CPS1: variants seen among roughly 807,000 people sequenced by gnomAD.
The protein encoded by CPS1 is carbamoyl-phosphate synthase 1.
Under a neutral mutation model 174.6 loss-of-function variants are expected in CPS1, and 109 were observed. That is an observed-to-expected ratio of 0.62 (90% CI 0.53 to 0.73). CPS1 has a LOEUF of 0.73. CPS1 is among the 30% of genes least tolerant of loss of function. CPS1 has a pLI of 0.00. For missense variants in CPS1, 1,689 were observed against 1,821.9 expected (o/e 0.93, Z 1.33); for synonymous variants, 637 against 632.0 (o/e 1.01, Z -0.12).
intron 6 of CPS1, 95 bp downstream of exon 6, chr2:210,582,804 C>A: frequency 1.0e-6 from 1 of 952,782 alleles, no homozygotes; most frequent in Non-Finnish European, 1.7e-6. Flanking sequence ...GTTTATCTTC[C>A]AGAAGCACCA....
intron 1 of CPS1, among the ~76,000 whole-genome samples, chr2:210,507,235 A>G (rs960766484): frequency 6.6e-6 from 1 of 152,250 alleles, no homozygotes; most frequent in South Asian, 2.1e-4. Context: ...ACATTCTTAA[A>G]GAAAAGAATT....
At chr2:210,518,325 C>T (rs886374981) in intron 1 of CPS1, among the ~76,000 whole-genome samples, 1 of 151,988 alleles carries the variant, frequency 6.6e-6, no homozygotes, top group Non-Finnish European at 1.5e-5. Context: ...TGCTCAATAT[C>T]TGTTCTCTTC....
intron 1 of CPS1, among the ~76,000 whole-genome samples, chr2:210,546,145 T>C (rs1308504210): frequency 6.6e-6 from 1 of 152,042 alleles, no homozygotes; most frequent in African/African-American, 2.4e-5. Context: ...AAGTCTGTGT[T>C]CCAGACTTAT....
Position 210,577,479 on chromosome 2 carries a change from A to C in CPS1, c.440A>C (p.Lys147Thr). The change falls in exon 4 of 38, where the codon AAG becomes ACG. Residue 147 changes from lysine to threonine, a missense_variant. Transcript: ENST00000233072. ...SKDYNHWLAT[K>T]SLGQWLQEEK... ...GACTACAACCACTGGCTGGCTACCA[A>C]GAGTTTAGGGCAATGGCTACAGGAA... is the stretch of plus-strand genomic sequence containing the variant. 1 of 1,613,854 alleles carries C rather than the reference A, an allele frequency of 6.2e-7. No individual in the cohort carries two copies. The highest frequency in any genetic ancestry group is 8.5e-7 in the Non-Finnish European group (1 of 1,179,864).
At chr2:210,660,215 G>C (rs1700871412) in intron 31 of CPS1, among the ~76,000 whole-genome samples, 1 of 152,116 alleles carries the variant, frequency 6.6e-6, no homozygotes, top group Non-Finnish European at 1.5e-5. Context: ...GGAGGGGTAT[G>C]GCATTATTTG....
chr2:210,577,692 G>A (rs1429316341), intron 4 of CPS1, among the ~76,000 whole-genome samples, 182 bp downstream of exon 4: 5 of 152,248 alleles, frequency 3.3e-5, no homozygotes, highest in Middle Eastern at 3.4e-3. Context: ...AAATGCTGAT[G>A]AGCACATATT....
At chr2:210,610,492 G>A (rs1439514375) in intron 19 of CPS1, among the ~76,000 whole-genome samples, 1 of 151,896 alleles carries the variant, frequency 6.6e-6, no homozygotes, top group South Asian at 2.1e-4. Flanking sequence ...GACCCGAATA[G>A]ACAATGAATT....
intron 6 of CPS1, among the ~76,000 whole-genome samples, chr2:210,583,253 A>G (rs1307251919): frequency 6.6e-6 from 1 of 152,190 alleles, no homozygotes; most frequent in Non-Finnish European, 1.5e-5. Flanking sequence ...ATTTATAAAA[A>G]GGTAAAGAAT....
intron 1 of CPS1, among the ~76,000 whole-genome samples, chr2:210,499,449 C>G (rs982659555): frequency 6.6e-5 from 10 of 152,148 alleles, no homozygotes; most frequent in African/African-American, 2.4e-4. Flanking sequence ...ACTGATGAGG[C>G]ACTTTCTGTA....
At position 210,503,523 on chromosome 2, in the gene CPS1, C is replaced by T. The variant is rs184845176; in HGVS notation, c.3+25757C>T. On this transcript the variant is annotated intron_variant, in intron 1 of 38. Coordinates refer to the CPS1 transcript ENST00000430249. ...CTCTCTCTTACTCTTTGTTGGTGGCCTCTTTTTACCTTTATCTTTTCCCTT... is the reference window on the plus strand; with the variant it reads ...CTCTCTCTTACTCTTTGTTGGTGGCTTCTTTTTACCTTTATCTTTTCCCTT... Among the ~76,000 whole-genome samples, 19 of 152,178 alleles carry T rather than the reference C, an allele frequency of 1.2e-4. No individual in the cohort carries two copies. In the East Asian group the frequency reaches 3.5e-3, roughly 28 times the overall value.
At chr2:210,585,548 G>T (rs1279978642) in intron 6 of CPS1, among the ~76,000 whole-genome samples, 1 of 151,828 alleles carries the variant, frequency 6.6e-6, no homozygotes, top group Non-Finnish European at 1.5e-5. Context: ...AGGGTGTAGA[G>T]AGATTAAATA....
intron 34 of CPS1, chr2:210,674,482 A>C (rs4482413): frequency 1.4e-3 from 127 of 93,420 alleles, no homozygotes; most frequent in African/African-American, 5.1e-3. Context: ...AAAAAAAAAA[A>C]CCAAAAAAAA....
chr2:210,505,089 T>C (rs548327180), intron 1 of CPS1, among the ~76,000 whole-genome samples: 1 of 151,944 alleles, frequency 6.6e-6, no homozygotes, highest in African/African-American at 2.4e-5. Flanking sequence ...GTGTTTTTAG[T>C]GTAATTCATG....
intron 1 of CPS1, among the ~76,000 whole-genome samples, chr2:210,557,878 G>A (rs1038035822): frequency 6.6e-6 from 1 of 152,036 alleles, no homozygotes; most frequent in South Asian, 2.1e-4. Context: ...TCAGGATTCA[G>A]TGGGGTTTTG....
chr2:210,677,919 A>G lies in CPS1; in HGVS notation c.4437A>G (p.Lys1479=), dbSNP rs780177776. 30 of 1,614,076 alleles carry G rather than the reference A, an allele frequency of 1.9e-5. No homozygotes were observed. The highest frequency in any genetic ancestry group is 2.4e-5 in the Non-Finnish European group (28 of 1,179,970). The change falls in exon 38 of 38, where the codon AAA becomes AAG. Residue 1479 remains lysine, a synonymous_variant. Transcript: ENST00000233072. ...AACTTTTTGCTGAAGCTGTGCAGAA[A>G]TCTCGCAAGGTGGACTCCAAGAGTC... The part of the protein sequence containing the change: ...VTKLFAEAVQ[K]SRKVDSKSLF...
intron 20 of CPS1, among the ~76,000 whole-genome samples, chr2:210,614,285 T>C (rs1306843156): frequency 6.6e-6 from 1 of 151,892 alleles, no homozygotes; most frequent in African/African-American, 2.4e-5. Context: ...TTTTTTTTTT[T>C]ATCCAGTCTA....
intron 11 of CPS1, 70 bp from the exon 12 acceptor site, chr2:210,594,438 T>C: frequency 2.0e-6 from 2 of 976,488 alleles, no homozygotes; most frequent in South Asian, 2.7e-5. Flanking sequence ...TTTAACTGGG[T>C]ATATTGTGTT....
intron 18 of CPS1, 71 bp downstream of exon 18, chr2:210,607,012 G>A (rs572616413): frequency 1.3e-5 from 18 of 1,380,304 alleles, no homozygotes; most frequent in South Asian, 1.2e-4. Flanking sequence ...GACAGATAGT[G>A]GAAGACTGTA....
At chr2:210,660,263 G>A (rs542303696) in intron 31 of CPS1, among the ~76,000 whole-genome samples, 1 of 152,212 alleles carries the variant, frequency 6.6e-6, no homozygotes, top group Non-Finnish European at 1.5e-5. Flanking sequence ...CAGTGCATGG[G>A]AATGCAATTT....
Sources: allele counts gnomAD v4.1 joint callset (sites outside exome capture counted in the v4.1 genomes callset), GRCh38; gene constraint gnomAD v4.1.1; transcripts MANE v1.5; gene names NCBI Gene and HGNC (gene_info 2026-07-23, HGNC 2026-07-21).